Variants in ABCG8 observed in about 807,000 individuals in gnomAD.
ABCG8 encodes ATP-binding cassette sub-family G member 8.
Under a neutral mutation model 71.3 loss-of-function variants are expected in ABCG8, and 81 were observed. The ratio of observed to expected loss-of-function variants is 1.14; its 90% CI spans 0.95 to 1.37. ABCG8 has a LOEUF of 1.37. Among genes scored for constraint, ABCG8 ranks in the 40% most tolerant of loss-of-function variants. ABCG8 has a pLI of 0.00. For synonymous variants in ABCG8, 451 were observed against 354.7 expected (o/e 1.27, Z -3.05); for missense variants, 1,119 against 866.2 (o/e 1.29, Z -3.66).
At chr2:43,857,122 G>T (rs1380345687) in intron 6 of ABCG8, among the ~76,000 whole-genome samples, 1 of 150,568 alleles carries the variant, frequency 6.6e-6, no homozygotes, top group Non-Finnish European at 1.5e-5. Flanking sequence ...TCTCTAGATA[G>T]AACTCTCACT....
At position 43,879,481 on chromosome 2, in the gene ABCG8, A is replaced by AC. The variant is rs979845633; in HGVS notation, c.*1573dup. ...GAGTCAGAGTCTGCGTCTTAAGAAGACCCCCTGGTGATCTGTGCACATTCA... is the reference window on the plus strand; with the variant it reads ...GAGTCAGAGTCTGCGTCTTAAGAAGACCCCCCTGGTGATCTGTGCACATTCA... On this transcript the variant is annotated 3_prime_UTR_variant, in exon 13 of 13. Coordinates refer to ENST00000272286, the MANE Select transcript of ABCG8 (RefSeq NM_022437.3). The AC allele has an allele frequency of 3.3e-5, 5 of 151,636 alleles. No homozygotes were observed. Among genetic ancestry groups the AC allele is most frequent in the African/African-American group, 1.2e-4 (5 of 41,242 alleles). 9.4% of individuals were successfully genotyped at this position (151,636 alleles called of 1,614,324 possible).
At chr2:43,839,220 A>G in intron 1 of ABCG8, 104 bp downstream of exon 1, 2 of 1,266,896 alleles carry the variant, frequency 1.6e-6, no homozygotes, top group Non-Finnish European at 2.2e-6. Flanking sequence ...CCACCCGGAC[A>G]TCAAGCAGTG....
At chr2:43,861,561 C>A (rs1669320625) in intron 6 of ABCG8, among the ~76,000 whole-genome samples, 1 of 148,240 alleles carries the variant, frequency 6.7e-6, no homozygotes, top group South Asian at 2.2e-4. Flanking sequence ...TAAAACTCTC[C>A]CTGTCTGTCT....
chr2:43,876,583 G>A (rs1344621297), intron 11 of ABCG8, among the ~76,000 whole-genome samples: 3 of 151,526 alleles, frequency 2.0e-5, no homozygotes, highest in Non-Finnish European at 2.9e-5. Context: ...GGAGACTATG[G>A]GAATATGGGG....
intron 6 of ABCG8, 52 bp from the exon 7 acceptor site, chr2:43,871,924 G>A (rs1669788664): frequency 1.2e-6 from 2 of 1,611,716 alleles, no homozygotes; most frequent in Non-Finnish European, 1.7e-6. Context: ...CTTCACCTGT[G>A]AGCAGGTGCC....
At position 43,852,607 on chromosome 2, in the gene ABCG8, A is replaced by T. The variant is rs1458583900; in HGVS notation, c.703A>T (p.Ile235Phe). The change falls in exon 6 of 13, where the codon ATT (isoleucine) becomes TTT (phenylalanine). Residue 235 changes from isoleucine to phenylalanine, a missense_variant. Physicochemically the swap from Ile to Phe is conservative, Grantham distance 21 (BLOSUM62 0). Coordinates refer to ENST00000272286, the MANE Select transcript of ABCG8 (RefSeq NM_022437.3). ...VQLLWNPGILILDEPTSGLDS... is the reference protein window; with the variant it reads ...VQLLWNPGILFLDEPTSGLDS... ...CTCTCTGTGTTGGAAAGGAATCCTT[A>T]TTCTCGACGAACCCACCTCTGGGCT... The T allele has an allele frequency of 6.2e-7, 1 of 1,614,086 alleles. No individual in the cohort carries two copies. The highest frequency in any genetic ancestry group is 2.2e-5 in the East Asian group (1 of 44,854).
intron 6 of ABCG8, among the ~76,000 whole-genome samples, chr2:43,869,675 A>T (rs1015026670): frequency 3.9e-5 from 6 of 152,176 alleles, no homozygotes; most frequent in African/African-American, 1.2e-4. Flanking sequence ...ATCTATCTGG[A>T]TAGAATTCTC....
rs1297575200 is a variant in ABCG8, at chr2:43,882,055, T to C, written c.*4142T>C. 2.0e-5 allele frequency: 3 copies of C among 152,210 alleles called. No homozygotes were observed. Among genetic ancestry groups the C allele is most frequent in the African/African-American group, 7.2e-5 (3 of 41,450 alleles). 9.4% of individuals were successfully genotyped at this position (152,210 alleles called of 1,614,324 possible). ...AGAGCCTTGGTAAAGGTTTTCAAAT[T>C]TGCATTTTAAGCCCTCCAATTTCAA... is the stretch of plus-strand genomic sequence containing the variant. On this transcript the variant is annotated 3_prime_UTR_variant, in exon 13 of 13. Transcript: ENST00000272286.
intron 3 of ABCG8, chr2:43,848,582 T>G (rs1229144777): frequency 6.6e-6 from 1 of 152,244 alleles, no homozygotes; most frequent in African/African-American, 2.4e-5. Context: ...AAATTTAGTT[T>G]AACTGAGCAG....
chr2:43,853,926 A>C (rs1311113790), intron 6 of ABCG8, among the ~76,000 whole-genome samples: 2 of 152,144 alleles, frequency 1.3e-5, no homozygotes, highest in Non-Finnish European at 2.9e-5. Flanking sequence ...CACATTCTGC[A>C]TGAACTCACA....
At position 43,878,377 on chromosome 2, in the gene ABCG8, A is replaced by G. The variant is rs1670030546; in HGVS notation, c.*464A>G. The stretch of plus-strand genomic sequence containing the variant: ...CCATCAATACAGAAAGTGACCTAAG[A>G]TGTACCAGCAAGATGCCATCCCTTC... On this transcript the variant is annotated 3_prime_UTR_variant, in exon 13 of 13. Coordinates refer to ENST00000272286, the MANE Select transcript of ABCG8 (RefSeq NM_022437.3). The G allele has an allele frequency of 4.0e-6, 1 of 249,356 alleles. No individual in the cohort carries two copies. Among genetic ancestry groups the G allele is most frequent in the Non-Finnish European group, 8.0e-6 (1 of 125,048 alleles). 15.4% of individuals were successfully genotyped at this position (249,356 alleles called of 1,614,324 possible).
chr2:43,863,211 C>A (rs1306706790), intron 6 of ABCG8, among the ~76,000 whole-genome samples: 2 of 146,742 alleles, frequency 1.4e-5, no homozygotes, highest in African/African-American at 2.5e-5. Context: ...ATAATTCTCA[C>A]TCTCTGGATA....
At chr2:43,856,201 A>G (rs965868592) in intron 6 of ABCG8, among the ~76,000 whole-genome samples, 1 of 151,734 alleles carries the variant, frequency 6.6e-6, no homozygotes, top group African/African-American at 2.4e-5. Context: ...TAGAATTCTC[A>G]CCCTATGGGT....
Position 43,877,920 on chromosome 2 carries a change from C to G in ABCG8, c.*7C>G. On this transcript the variant is annotated 3_prime_UTR_variant, in exon 13 of 13. Coordinates refer to ENST00000272286, the MANE Select transcript of ABCG8 (RefSeq NM_022437.3). ...ACCAAGTCAAGACTGGTGATTCACG[C>G]CAGACGTCTGCCCGCTGGTGGGGGA... is the stretch of plus-strand genomic sequence containing the variant. The G allele has an allele frequency of 6.2e-7, 1 of 1,614,108 alleles. No homozygotes were observed. Among genetic ancestry groups the G allele is most frequent in the South Asian group, 1.1e-5 (1 of 91,086 alleles).
Position 43,851,384 on chromosome 2 carries a change from G to A in ABCG8, c.323-200G>A, listed in dbSNP as rs561885750. On this transcript the variant is annotated intron_variant, in intron 3 of 12. Transcript: ENST00000272286. ...GCAGCCCCACAGGGGTGCTCACGTT[G>A]GCTGCAGACAGAAGGCTTGGAGCTC... Among the ~76,000 whole-genome samples, 23 of 152,358 alleles carry A rather than the reference G, an allele frequency of 1.5e-4. No homozygotes were observed. In the South Asian group the frequency reaches 4.8e-3, roughly 32 times the overall value.
chr2:43,863,865 G>T (rs1380410393), intron 6 of ABCG8, among the ~76,000 whole-genome samples: 7 of 151,314 alleles, frequency 4.6e-5, no homozygotes, highest in Admixed American at 4.6e-4. Flanking sequence ...TGTCTAGGTA[G>T]AATTCTCACT....
At position 43,849,021 on chromosome 2, in the gene ABCG8, TAAAA is replaced by T. The variant is rs1193216137; in HGVS notation, c.323-2541_323-2538del. ...TGGGCAGCAAGAGCAAAACACTGTCTAAAAAAAAAAAAAAAAAAAAAAAAAGGAA... is the reference window on the plus strand; with the variant it reads ...TGGGCAGCAAGAGCAAAACACTGTCTAAAAAAAAAAAAAAAAAAAAAGGAA... On this transcript the variant is annotated intron_variant, in intron 3 of 12. Coordinates refer to ENST00000272286, the MANE Select transcript of ABCG8 (RefSeq NM_022437.3). Among the ~76,000 whole-genome samples the T allele has an allele frequency of 1.1e-4, 6 of 54,708 alleles. No individual in the cohort carries two copies. The Admixed American group carries it at 1.1e-3, about 10-fold the overall frequency. The allele number at this position is 54,708 out of a possible 152,430, so 35.9% of individuals were successfully genotyped here.
Position 43,877,859 on chromosome 2 carries a change from C to G in ABCG8, c.1968C>G (p.Val656=). ...IVIGLSGGFM[V]LYYVSLRFIK... ...TTGGCCTCAGCGGTGGCTTCATGGTCCTGTACTACGTGTCCTTAAGGTTCA... is the reference window on the plus strand; with the variant it reads ...TTGGCCTCAGCGGTGGCTTCATGGTGCTGTACTACGTGTCCTTAAGGTTCA... Residue 656 remains valine (V), a synonymous_variant, in exon 13 of 13, where the codon GTC becomes GTG. Coordinates refer to ENST00000272286, the MANE Select transcript of ABCG8 (RefSeq NM_022437.3). 3 of 1,614,126 alleles carry G rather than the reference C, an allele frequency of 1.9e-6. No individual in the cohort carries two copies. Among genetic ancestry groups the G allele is most frequent in the Non-Finnish European group, 8.5e-7 (1 of 1,180,020 alleles).
Position 43,880,025 on chromosome 2 carries a change from A to G in ABCG8, c.*2112A>G, listed in dbSNP as rs1397286481. 1 of 151,596 alleles carries G rather than the reference A, an allele frequency of 6.6e-6. No individual in the cohort carries two copies. Among genetic ancestry groups the G allele is most frequent in the East Asian group, 1.9e-4 (1 of 5,166 alleles). 9.4% of individuals were successfully genotyped at this position (151,596 alleles called of 1,614,324 possible). ...TGTGAATTCCCATTGTATCCTTACA[A>G]CCCTTTATTATTGTGATTAATTCTG... is the stretch of plus-strand genomic sequence containing the variant. On this transcript the variant is annotated 3_prime_UTR_variant, in exon 13 of 13. Transcript: ENST00000272286.
Sources: gnomAD v4.1 joint callset for allele counts (sites outside exome capture counted in the v4.1 genomes callset) on GRCh38, gnomAD v4.1.1 for gene constraint, MANE v1.5 for transcripts, NCBI Gene and HGNC (gene_info 2026-07-23, HGNC 2026-07-21) for gene names.